ANK2: variants seen among roughly 807,000 people sequenced by gnomAD.
ANK2 encodes ankyrin-2.
In ANK2, 83 loss-of-function variants were observed where a neutral mutation model predicts 360.5. The ratio of observed to expected loss-of-function variants is 0.23; its 90% CI spans 0.19 to 0.28. ANK2 has a LOEUF of 0.28. ANK2 is among the 10% of genes least tolerant of loss of function. The probability of loss-of-function intolerance (pLI) is 1.00; values close to 1 mark genes in which losing one functional copy is unlikely to be tolerated. For missense variants in ANK2, 4,201 were observed against 4,795.7 expected (o/e 0.88, Z 3.66); for synonymous variants, 1,740 against 1,759.5 (o/e 0.99, Z 0.28).
chr4:112,762,432 C>A, the ANK2 span, among the ~76,000 whole-genome samples: 1 of 152,040 alleles, frequency 6.6e-6, no homozygotes, highest in African/African-American at 2.4e-5. Flanking sequence ...GAGTTTGAAA[C>A]ATTTAGTGAC....
At chr4:112,824,514 T>C (rs1244619348) in intron 1 of ANK2, among the ~76,000 whole-genome samples, 1 of 149,744 alleles carries the variant, frequency 6.7e-6, no homozygotes, top group African/African-American at 2.5e-5. Context: ...TAGCATTTTT[T>C]TTTTTTTTTA....
chr4:113,216,178 G>T (rs1482219822), intron 4 of ANK2, among the ~76,000 whole-genome samples: 1 of 152,112 alleles, frequency 6.6e-6, no homozygotes, highest in African/African-American at 2.4e-5. Context: ...AATTGACTGA[G>T]AAAATGACTA....
intron 18 of ANK2, among the ~76,000 whole-genome samples, chr4:113,285,232 T>C (rs2063951515): frequency 6.6e-6 from 1 of 151,990 alleles, no homozygotes; most frequent in Non-Finnish European, 1.5e-5. Context: ...AAGACTTCTG[T>C]GACCAAATGC....
Position 113,051,584 on chromosome 4 carries a change from G to A in ANK2, c.84+1772G>A, listed in dbSNP as rs1561717570. Among the ~76,000 whole-genome samples, 4 of 152,122 alleles carry A rather than the reference G, an allele frequency of 2.6e-5. No homozygotes were observed. The South Asian group carries it at 6.2e-4, about 24-fold the overall frequency. On this transcript the variant is annotated intron_variant, in intron 1 of 45. Transcript: ENST00000357077. Reference sequence around the variant, plus strand: ...CACCATGAATATTGAGTGTTAAAAGGAGTTTCACCTAAAAGAAATTGCTTT... The same window carrying A: ...CACCATGAATATTGAGTGTTAAAAGAAGTTTCACCTAAAAGAAATTGCTTT...
intron 35 of ANK2, among the ~76,000 whole-genome samples, chr4:113,346,585 C>T (rs2094885063): frequency 6.6e-6 from 1 of 152,128 alleles, no homozygotes; most frequent in Non-Finnish European, 1.5e-5. Context: ...TGATGGTGCA[C>T]ACCTGTAGTC....
intron 39 of ANK2, among the ~76,000 whole-genome samples, chr4:113,361,695 G>A (rs2096237725): frequency 6.6e-6 from 1 of 151,842 alleles, no homozygotes; most frequent in Non-Finnish European, 1.5e-5. Flanking sequence ...TGGAGAAGTG[G>A]CCACTTTCTC....
intron 22 of ANK2, among the ~76,000 whole-genome samples, chr4:113,295,614 G>A (rs2070857405): frequency 6.6e-6 from 1 of 152,064 alleles, no homozygotes; most frequent in Non-Finnish European, 1.5e-5. Context: ...TCTACATTCT[G>A]TAGCTGAGCA....
upstream of ANK2, among the ~76,000 whole-genome samples, chr4:112,816,044 G>A (rs75736375): frequency 0.097 from 14,803 of 152,252 alleles, 1,031 homozygotes; most frequent in African/African-American, 0.2. Flanking sequence ...GGACAAAAGT[G>A]TGGGTAACCT....
At chr4:113,109,412 G>A (rs928721734) in intron 1 of ANK2, among the ~76,000 whole-genome samples, 10 of 152,230 alleles carry the variant, frequency 6.6e-5, no homozygotes, top group African/African-American at 2.4e-4. Context: ...CTTGAGTTTT[G>A]TTGTAAGTCT....
chr4:112,755,397 A>G, the ANK2 span, among the ~76,000 whole-genome samples: 1 of 152,238 alleles, frequency 6.6e-6, no homozygotes, highest in African/African-American at 2.4e-5. Context: ...GTGAGCAACA[A>G]GGCTGTTTAT....
intron 21 of ANK2, chr4:113,293,135 T>C (rs2068732759): frequency 2.2e-6 from 1 of 457,818 alleles, no homozygotes. Flanking sequence ...CATGAGGCAC[T>C]TTCTTAAGTG....
intron 2 of ANK2, among the ~76,000 whole-genome samples, chr4:113,037,952 T>G (rs1186896961): frequency 6.6e-6 from 1 of 152,080 alleles, no homozygotes; most frequent in African/African-American, 2.4e-5. Flanking sequence ...TATTATGTGT[T>G]TAATCATTTT....
chr4:112,865,031 C>CAAAAAAAAA (rs56149739), intron 1 of ANK2, among the ~76,000 whole-genome samples: 1 of 52,506 alleles, frequency 1.9e-5, no homozygotes, highest in African/African-American at 7.2e-5. Context: ...GACTCCATCT[C>CAAAAAAAAA]AAAAAAAAAA....
At chr4:112,870,880 T>A (rs1194311987) in intron 1 of ANK2, among the ~76,000 whole-genome samples, 1 of 152,226 alleles carries the variant, frequency 6.6e-6, no homozygotes, top group African/African-American at 2.4e-5. Context: ...CTTTGGGTAG[T>A]ATTGCCAATA....
At chr4:112,761,642 A>G in the ANK2 span, among the ~76,000 whole-genome samples, 1 of 91,486 alleles carries the variant, frequency 1.1e-5, no homozygotes, top group South Asian at 4.2e-4. Context: ...ATAAATAAAA[A>G]TAAAATAAAA....
intron 1 of ANK2, among the ~76,000 whole-genome samples, chr4:113,160,046 T>A (rs1032009392): frequency 6.6e-6 from 1 of 152,198 alleles, no homozygotes; most frequent in Non-Finnish European, 1.5e-5. Flanking sequence ...GTTAACCTAA[T>A]TAAAGTTAGA....
chr4:112,816,278 A>G (rs1350460824), upstream of ANK2, among the ~76,000 whole-genome samples: 1 of 152,208 alleles, frequency 6.6e-6, no homozygotes, highest in East Asian at 1.9e-4. Context: ...AGTAGACTTG[A>G]ACAGTTTTAC....
chr4:113,048,265 TATATATATA>T, upstream of ANK2, among the ~76,000 whole-genome samples: 1 of 93,430 alleles, frequency 1.1e-5, no homozygotes, highest in Non-Finnish European at 1.9e-5. Flanking sequence ...TATATATATA[TATATATATA>T]TATTTTTTTT....
Position 113,094,539 on chromosome 4 carries a change from C to A in ANK2, c.84+44727C>A, listed in dbSNP as rs118110650. On this transcript the variant is annotated intron_variant, in intron 1 of 45. Transcript: ENST00000357077. ...GCACGTGTGTGTGTGTGTGTGTGTGCATGCATGTGTGTGCGCGTGTGTGTA... is the reference window on the plus strand; with the variant it reads ...GCACGTGTGTGTGTGTGTGTGTGTGAATGCATGTGTGTGCGCGTGTGTGTA... Among the ~76,000 whole-genome samples the A allele has an allele frequency of 8.2e-3, 1,206 of 146,302 alleles. 37 individuals carry two copies. In the East Asian group the frequency reaches 0.11, roughly 14 times the overall value.
Sources: gnomAD v4.1 joint callset for allele counts (sites outside exome capture counted in the v4.1 genomes callset) on GRCh38, gnomAD v4.1.1 for gene constraint, MANE v1.5 for transcripts, NCBI Gene and HGNC (gene_info 2026-07-23, HGNC 2026-07-21) for gene names.